Variants in THSD7B observed in about 807,000 individuals in gnomAD.
The protein encoded by THSD7B is thrombospondin type-1 domain-containing protein 7B.
A neutral mutation model predicts 213.6 loss-of-function variants in THSD7B; 138 were observed. The observed-to-expected ratio is 0.65, with a 90% CI of 0.56 to 0.74. The LOEUF is 0.74. Ranked by LOEUF, THSD7B falls within the 30% of genes least tolerant of loss-of-function variation. The pLI, the probability that THSD7B is intolerant of heterozygous loss-of-function variation, is 0.00. For missense variants in THSD7B, 1,931 were observed against 1,991.5 expected (o/e 0.97, Z 0.58); for synonymous variants, 742 against 687.0 (o/e 1.08, Z -1.25).
chr2:137,287,231 AT>A (rs1014561587), intron 12 of THSD7B, among the ~76,000 whole-genome samples: 1 of 152,116 alleles, frequency 6.6e-6, no homozygotes, highest in African/African-American at 2.4e-5. Context: ...ACTTAAAAAA[AT>A]CTCTCCTAAA....
At chr2:137,449,561 T>C (rs1206704181) in intron 14 of THSD7B, among the ~76,000 whole-genome samples, 1 of 152,168 alleles carries the variant, frequency 6.6e-6, no homozygotes, top group Non-Finnish European at 1.5e-5. Context: ...AACTCCCTCA[T>C]GTTTTTGGCA....
intron 2 of THSD7B, among the ~76,000 whole-genome samples, chr2:136,997,479 A>C (rs1449978368): frequency 6.6e-6 from 1 of 152,202 alleles, no homozygotes; most frequent in Non-Finnish European, 1.5e-5. Context: ...TTAAAGTAGT[A>C]CACCAAATGG....
chr2:137,095,925 C>T (rs1282865395), intron 4 of THSD7B, among the ~76,000 whole-genome samples: 3 of 152,090 alleles, frequency 2.0e-5, no homozygotes, highest in African/African-American at 7.2e-5. Context: ...TGGTCTCAAA[C>T]TCCTGGGCTT....
intron 1 of THSD7B, among the ~76,000 whole-genome samples, chr2:136,809,859 C>T (rs543854239): frequency 6.6e-6 from 1 of 152,172 alleles, no homozygotes; most frequent in African/African-American, 2.4e-5. Flanking sequence ...AAGTGCCAGC[C>T]AACACCATTG....
chr2:137,648,032 G>A (rs1474927528), intron 21 of THSD7B, among the ~76,000 whole-genome samples: 1 of 152,058 alleles, frequency 6.6e-6, no homozygotes, highest in Non-Finnish European at 1.5e-5. Flanking sequence ...GTGAACACCT[G>A]ACTAAAATCG....
chr2:137,576,650 A>T (rs927709159), intron 17 of THSD7B, among the ~76,000 whole-genome samples: 1 of 152,062 alleles, frequency 6.6e-6, no homozygotes, highest in Non-Finnish European at 1.5e-5. Flanking sequence ...GTAACTCTTT[A>T]TGTGTGCAGG....
intron 17 of THSD7B, among the ~76,000 whole-genome samples, chr2:137,573,078 C>T (rs1368715712): frequency 6.8e-6 from 1 of 147,032 alleles, no homozygotes; most frequent in Non-Finnish European, 1.5e-5. Flanking sequence ...AAAAAAAAAA[C>T]TAAAGGATAT....
chr2:137,665,165 G>A (rs1327865277), intron 26 of THSD7B, among the ~76,000 whole-genome samples: 2 of 152,190 alleles, frequency 1.3e-5, no homozygotes, highest in Non-Finnish European at 2.9e-5. Context: ...ATTAGAAGTA[G>A]ATTTAAATTT....
At chr2:137,236,716 A>C (rs763682810) in intron 9 of THSD7B, among the ~76,000 whole-genome samples, 1 of 152,202 alleles carries the variant, frequency 6.6e-6, no homozygotes, top group Non-Finnish European at 1.5e-5. Context: ...AGTGAGATGA[A>C]TACATCAGTT....
chr2:137,474,187 A>G (rs536755510), intron 15 of THSD7B, among the ~76,000 whole-genome samples: 79 of 152,276 alleles, frequency 5.2e-4, no homozygotes, highest in African/African-American at 1.8e-3. Flanking sequence ...CTATGTAAAC[A>G]CTGCTTTCAA....
chr2:137,428,063 A>G (rs1687098374), intron 14 of THSD7B, among the ~76,000 whole-genome samples: 1 of 152,190 alleles, frequency 6.6e-6, no homozygotes, highest in Non-Finnish European at 1.5e-5. Context: ...CTGATAAGAG[A>G]CTTGTATGCA....
chr2:137,151,864 A>G (rs1372426268), intron 5 of THSD7B, among the ~76,000 whole-genome samples: 3 of 152,176 alleles, frequency 2.0e-5, no homozygotes, highest in Non-Finnish European at 2.9e-5. Context: ...TTTCAGGTCC[A>G]TTATAATCTT....
intron 2 of THSD7B, among the ~76,000 whole-genome samples, chr2:137,035,685 G>A (rs1686761699): frequency 6.6e-6 from 1 of 152,018 alleles, no homozygotes; most frequent in African/African-American, 2.4e-5. Flanking sequence ...AGGTAGACTG[G>A]TGAAAATCCC....
intron 9 of THSD7B, among the ~76,000 whole-genome samples, chr2:137,239,320 GTC>G (rs928469101): frequency 6.6e-6 from 1 of 151,602 alleles, no homozygotes; most frequent in Non-Finnish European, 1.5e-5. Context: ...TTTTTTTTCT[GTC>G]TCTCTCTGAA....
chr2:137,279,045 G>A (rs1682936312), intron 12 of THSD7B, among the ~76,000 whole-genome samples: 1 of 151,910 alleles, frequency 6.6e-6, no homozygotes, highest in Non-Finnish European at 1.5e-5. Context: ...AACAGCAGTA[G>A]AAAACACCTA....
chr2:137,284,449 A>G (rs1039507485), intron 12 of THSD7B, among the ~76,000 whole-genome samples: 44 of 151,868 alleles, frequency 2.9e-4, no homozygotes, highest in African/African-American at 9.7e-4. Flanking sequence ...TAGCTTTTGT[A>G]TATGTTCGCT....
At chr2:137,558,364 C>T (rs1681029825) in intron 15 of THSD7B, among the ~76,000 whole-genome samples, 1 of 152,178 alleles carries the variant, frequency 6.6e-6, no homozygotes, top group Non-Finnish European at 1.5e-5. Context: ...GCTTATCCAC[C>T]ATGATCAATT....
intron 15 of THSD7B, among the ~76,000 whole-genome samples, chr2:137,533,345 C>T (rs1680435847): frequency 6.6e-6 from 1 of 151,726 alleles, no homozygotes; most frequent in African/African-American, 2.4e-5. Context: ...TAAATCTCTC[C>T]TCTCTATAAT....
At chr2:137,413,544 G>A (rs1479721851) in intron 14 of THSD7B, among the ~76,000 whole-genome samples, 1 of 152,188 alleles carries the variant, frequency 6.6e-6, no homozygotes, top group Non-Finnish European at 1.5e-5. Flanking sequence ...GATGTGAAAG[G>A]TAAGAAGGAG....
Sources: allele counts gnomAD v4.1 joint callset (sites outside exome capture counted in the v4.1 genomes callset), GRCh38; gene constraint gnomAD v4.1.1; transcripts MANE v1.5; gene names NCBI Gene and HGNC (gene_info 2026-07-23, HGNC 2026-07-21).